Variants in RSRC2 observed in about 807,000 individuals in gnomAD.
RSRC2 encodes the protein arginine and serine rich coiled-coil 2.
RSRC2 carries 5 observed loss-of-function variants against 61.3 expected under a neutral mutation model. The observed-to-expected ratio is 0.08, with a 90% CI of 0.04 to 0.17. The LOEUF (loss-of-function observed/expected upper bound fraction) is 0.17, where lower values mean the gene tolerates loss of function less well. RSRC2 is among the 10% of genes least tolerant of loss of function. The pLI is 1.00. For synonymous variants in RSRC2, 202 were observed against 166.5 expected, an observed-to-expected ratio of 1.21 and a Z score of -1.64; for missense variants, 381 against 518.8, an observed-to-expected ratio of 0.73 and a Z score of 2.58.
Position 122,504,735 on chromosome 12 carries a change from G to C in RSRC2, c.*792C>G, listed in dbSNP as rs1303252029. 1 of 152,548 alleles carries C rather than the reference G, an allele frequency of 6.6e-6. No homozygotes were observed. Among genetic ancestry groups the C allele is most frequent in the Non-Finnish European group, 1.5e-5 (1 of 68,018 alleles). The allele number at this position is 152,548 out of a possible 1,614,324, so 9.4% of individuals were successfully genotyped here. A position where few individuals can be genotyped will look rare whatever the true frequency, so the allele number is the denominator to read the frequency against. On this transcript the variant is annotated 3_prime_UTR_variant, in exon 10 of 10. Transcript: ENST00000331738. ...AAAGCATGCAAAGAACTTGTTATAA[G>C]GCACTTTATTAAAATAAAAGTGCTT... is the stretch of plus-strand genomic sequence containing the variant.
At chr12:122,510,747 A>C (rs1593370806) in intron 7 of RSRC2, among the ~76,000 whole-genome samples, 1 of 152,250 alleles carries the variant, frequency 6.6e-6, no homozygotes, top group East Asian at 1.9e-4. Flanking sequence ...TTTTTCTACA[A>C]AAAGCATGTC....
intron 7 of RSRC2, among the ~76,000 whole-genome samples, chr12:122,510,836 C>T (rs377187894): frequency 6.6e-6 from 1 of 152,000 alleles, no homozygotes; most frequent in Non-Finnish European, 1.5e-5. Flanking sequence ...TGCTTAAGCC[C>T]GAGATCAAGA....
intron 3 of RSRC2, 178 bp from the exon 4 acceptor site, chr12:122,519,207 T>G (rs1959145051): frequency 1.8e-6 from 1 of 559,182 alleles, no homozygotes; most frequent in Non-Finnish European, 3.2e-6. Context: ...ACTATTTTTT[T>G]TACTATAAAC....
chr12:122,519,496 T>C (rs1164952420), intron 3 of RSRC2: 3 of 157,206 alleles, frequency 1.9e-5, no homozygotes, highest in African/African-American at 7.2e-5. Flanking sequence ...TTTTCTATAA[T>C]TTCAAATTAT....
rs1403311692 is a variant in RSRC2 at position 122,504,365 on chromosome 12, CGCCTATAAT to C, written c.*1153_*1161del. Reference sequence around the variant, plus strand: ...TTTCTAGGCTGGCTGCAGTGGCTCACGCCTATAATCCCGGCACTTTGGGAGGCTGAGGAG... The same window carrying C: ...TTTCTAGGCTGGCTGCAGTGGCTCACCCCGGCACTTTGGGAGGCTGAGGAG... On this transcript the variant is annotated 3_prime_UTR_variant, in exon 10 of 10. Transcript: ENST00000331738. The C allele has an allele frequency of 6.6e-6, 1 of 152,160 alleles. No homozygotes were observed. Among genetic ancestry groups the C allele is most frequent in the African/African-American group, 2.4e-5 (1 of 41,398 alleles). The allele number at this position is 152,160 out of a possible 1,614,324, so 9.4% of individuals were successfully genotyped here.
intron 2 of RSRC2, 49 bp downstream of exon 2, chr12:122,522,093 CA>C: frequency 1.3e-6 from 2 of 1,547,086 alleles, no homozygotes; most frequent in Non-Finnish European, 1.8e-6. Flanking sequence ...AACAGGTCTA[CA>C]TATCTTATAC....
chr12:122,526,919 G>C lies in RSRC2; in HGVS notation c.-66C>G, dbSNP rs993620663. On this transcript the variant is annotated 5_prime_UTR_variant, in exon 1 of 10. Transcript: ENST00000331738. Reference sequence around the variant, plus strand: ...CGCTTTCAACAGTACCGGCCGCTCCGAAGCTTCGCCTCAGACTAAATCGCT... The same window carrying C: ...CGCTTTCAACAGTACCGGCCGCTCCCAAGCTTCGCCTCAGACTAAATCGCT... 6.9e-6 allele frequency: 11 copies of C among 1,597,042 alleles called. No homozygotes were observed. The highest frequency in any genetic ancestry group is 1.7e-5 in the Admixed American group (1 of 59,906).
In RSRC2 at chr12:122,525,332, C is replaced by T. The variant is rs1166312842; in HGVS notation, c.6+1516G>A. ...CGGAGGTTGCAGTGAGCCAAGATCG[C>T]GCCATCGCACTCCAGCCTGGGCGAC... On this transcript the variant is annotated intron_variant, in intron 1 of 9. Coordinates refer to ENST00000331738, the MANE Select transcript of RSRC2 (RefSeq NM_023012.6). 2.6e-5 allele frequency among the ~76,000 whole-genome samples: 4 copies of T among 152,004 alleles called. No homozygotes were observed. The East Asian group carries it at 5.8e-4, about 22-fold the overall frequency.
At chr12:122,508,524 T>C (rs1458105959) in intron 7 of RSRC2, 77 bp from the exon 8 acceptor site, 1 of 1,176,234 alleles carries the variant, frequency 8.5e-7, no homozygotes, top group East Asian at 2.6e-5. Flanking sequence ...TAACGAACGA[T>C]TTATAAAAAG....
rs1960238932 is a variant in RSRC2, at chr12:122,525,903, G to A, written c.6+945C>T. ...GTGGCGGGATCTCGGTTCACTGCAA[G>A]CTCCGCCTCCCGGGTTCACGCCATT... On this transcript the variant is annotated intron_variant, in intron 1 of 9. Transcript: ENST00000331738. Among the ~76,000 whole-genome samples the A allele has an allele frequency of 1.1e-4, 2 of 17,414 alleles. 1 individual carries two copies. Among genetic ancestry groups the A allele is most frequent in the Non-Finnish European group, 1.9e-4 (2 of 10,796 alleles). 11.4% of individuals were successfully genotyped at this position (17,414 alleles called of 152,430 possible).
chr12:122,515,014 C>T, intron 6 of RSRC2, 91 bp downstream of exon 6: 2 of 1,359,316 alleles, frequency 1.5e-6, no homozygotes, highest in Non-Finnish European at 1.0e-6. Context: ...GTATGTGAAT[C>T]ATTCTCTTAC....
chr12:122,522,339 A>T (rs1441057877), intron 1 of RSRC2, 40 bp from the exon 2 acceptor site: 1 of 1,525,130 alleles, frequency 6.6e-7, no homozygotes, highest in Admixed American at 2.3e-5. Context: ...TCTTAATTAC[A>T]TTTTAAATGT....
intron 9 of RSRC2, chr12:122,506,616 C>T (rs1003745123): frequency 5.6e-5 from 18 of 319,530 alleles, no homozygotes; most frequent in Non-Finnish European, 1.0e-4. Context: ...AAAACCCCGT[C>T]TCTCTCTCTC....
rs1193965535 is a variant in RSRC2 at position 122,515,215 on chromosome 12, C to T, written c.615G>A (p.Lys205=). The T allele has an allele frequency of 1.2e-6, 2 of 1,613,884 alleles. No homozygotes were observed. The highest frequency in any genetic ancestry group is 1.7e-6 in the Non-Finnish European group (2 of 1,179,904). ...RTRSRSRDRK[K]RIEKPRRFSR... Reference sequence around the variant, plus strand: ...TAAATCTTCTCGGCTTTTCAATTCTCTTCTTTCTATCTCTGTAGTAAATCG... The same window carrying T: ...TAAATCTTCTCGGCTTTTCAATTCTTTTCTTTCTATCTCTGTAGTAAATCG... The change falls in exon 6 of 10, where the codon AAG becomes AAA. Residue 205 remains lysine, a synonymous_variant. Coordinates refer to ENST00000331738, the MANE Select transcript of RSRC2 (RefSeq NM_023012.6).
intron 7 of RSRC2, among the ~76,000 whole-genome samples, chr12:122,510,852 C>G (rs1429067438): frequency 6.6e-6 from 1 of 152,132 alleles, no homozygotes; most frequent in Admixed American, 6.6e-5. Context: ...CAAGAATAGT[C>G]TTGGCAACAT....
intron 3 of RSRC2, chr12:122,520,421 A>T: frequency 1.3e-6 from 1 of 794,934 alleles, no homozygotes; most frequent in Non-Finnish European, 2.0e-6. Flanking sequence ...TAACATTACT[A>T]TTAATTTAAA....
At chr12:122,521,220 C>A in intron 3 of RSRC2, 165 bp downstream of exon 3, 1 of 492,614 alleles carries the variant, frequency 2.0e-6, no homozygotes. Flanking sequence ...TAAACATCTT[C>A]TTCAAAAATG....
Position 122,508,717 on chromosome 12 carries a change from G to A in RSRC2, c.806-270C>T, listed in dbSNP as rs113645024. Among the ~76,000 whole-genome samples, 588 of 152,208 alleles carry A rather than the reference G, an allele frequency of 3.9e-3. 5 individuals carry two copies. The highest frequency in any genetic ancestry group is 0.013 in the African/African-American group (560 of 41,530). The stretch of plus-strand genomic sequence containing the variant: ...CACGCCTGTAATCCCAGCACTTTGG[G>A]AGGCTGAGGTGGGCGGATCACCTGA... On this transcript the variant is annotated intron_variant, in intron 7 of 9. Transcript: ENST00000331738.
intron 6 of RSRC2, chr12:122,514,770 T>G: frequency 9.2e-7 from 1 of 1,083,640 alleles, no homozygotes; most frequent in Non-Finnish European, 1.2e-6. Flanking sequence ...AAAAGTCATC[T>G]TAGATGAGAA....
Sources: gnomAD v4.1 joint callset for allele counts (sites outside exome capture counted in the v4.1 genomes callset) on GRCh38, gnomAD v4.1.1 for gene constraint, MANE v1.5 for transcripts, NCBI Gene and HGNC (gene_info 2026-07-23, HGNC 2026-07-21) for gene names.